Variants in RORB observed in about 807,000 individuals in gnomAD.
RORB encodes the protein RAR related orphan receptor B.
In RORB, 6 loss-of-function variants were observed where a neutral mutation model predicts 59.1. The observed-to-expected ratio is 0.10, with a 90% CI of 0.06 to 0.20. The LOEUF is 0.20. RORB is among the 10% of genes least tolerant of loss of function. The probability of loss-of-function intolerance (pLI) is 1.00; values close to 1 mark genes in which losing one functional copy is unlikely to be tolerated. For missense variants in RORB, 320 were observed against 560.5 expected (o/e 0.57, Z 4.33); for synonymous variants, 215 against 204.5 (o/e 1.05, Z -0.44).
intron 1 of RORB, among the ~76,000 whole-genome samples, chr9:74,567,921 A>G (rs1483614970): frequency 2.0e-5 from 3 of 152,220 alleles, no homozygotes; most frequent in Non-Finnish European, 4.4e-5. Context: ...GACTTGTCAT[A>G]GAGCTTTCAA....
intron 1 of RORB, among the ~76,000 whole-genome samples, chr9:74,613,869 G>T (rs1390841819): frequency 6.6e-6 from 1 of 152,174 alleles, no homozygotes; most frequent in Non-Finnish European, 1.5e-5. Flanking sequence ...TCGGATAATG[G>T]CATCCAGCTG....
chr9:74,677,750 C>A (rs1024673800), intron 9 of RORB, among the ~76,000 whole-genome samples: 1 of 152,164 alleles, frequency 6.6e-6, no homozygotes, highest in Non-Finnish European at 1.5e-5. Flanking sequence ...GAGTATGCAG[C>A]CTTCACTTTG....
rs541502182 is a variant in RORB at position 74,508,564 on chromosome 9, G to T, written c.7+10581G>T. 1.3e-4 allele frequency among the ~76,000 whole-genome samples: 20 copies of T among 152,106 alleles called. 1 individual carries two copies. In the East Asian group the frequency reaches 3.7e-3, roughly 28 times the overall value. ...TAAAAGTAAAGGGAACTATCTGACA[G>T]AGTTGTAGGTGACACCTTCTATAGT... On this transcript the variant is annotated intron_variant, in intron 1 of 9. Transcript: ENST00000376896.
At chr9:74,627,246 A>G (rs1219619277) in intron 1 of RORB, among the ~76,000 whole-genome samples, 1 of 152,046 alleles carries the variant, frequency 6.6e-6, no homozygotes, top group Admixed American at 6.6e-5. Flanking sequence ...AAGAATTAGT[A>G]TTTTAAATGA....
rs368953636 is a variant in RORB at position 74,661,714 on chromosome 9, G to A, written c.760-760G>A. Among the ~76,000 whole-genome samples the A allele has an allele frequency of 6.3e-3, 823 of 130,386 alleles. 6 individuals are homozygous for A. Among genetic ancestry groups the A allele is most frequent in the South Asian group, 0.028 (116 of 4,094 alleles). The allele number at this position is 130,386 out of a possible 152,430, so 85.5% of individuals were successfully genotyped here. A position where few individuals can be genotyped will look rare whatever the true frequency, so the allele number is the denominator to read the frequency against. On this transcript the variant is annotated intron_variant, in intron 5 of 9. Transcript: ENST00000376896. ...TGCTGGAGTGCAGTGGCGCGATCTC[G>A]GCTCACTGCAAGCTCCACCTCCCAG...
intron 1 of RORB, among the ~76,000 whole-genome samples, chr9:74,503,188 T>A (rs1825824739): frequency 6.6e-6 from 1 of 152,048 alleles, no homozygotes; most frequent in Admixed American, 6.5e-5. Flanking sequence ...TGACCTTTGA[T>A]GAAATAAGCA....
Position 74,677,325 on chromosome 9 carries a change from C to T in RORB, c.1224+5424C>T, listed in dbSNP as rs544028591. On this transcript the variant is annotated intron_variant, in intron 9 of 9. Coordinates refer to ENST00000376896, the MANE Select transcript of RORB (RefSeq NM_006914.4). ...AGCACTACTTTGGGCATCTATGGTA[C>T]AACATTCTCCTTCTTAAGGCTTTAG... Among the ~76,000 whole-genome samples the T allele has an allele frequency of 1.4e-4, 22 of 152,246 alleles. 1 individual carries two copies. In the South Asian group the frequency reaches 2.1e-3, roughly 14 times the overall value.
chr9:74,630,940 C>T (rs1353042286), intron 2 of RORB, among the ~76,000 whole-genome samples: 1 of 152,056 alleles, frequency 6.6e-6, no homozygotes, highest in Non-Finnish European at 1.5e-5. Context: ...CTTCATTTTC[C>T]GATGAGGTCC....
chr9:74,672,895 A>C (rs1195193720), intron 9 of RORB, among the ~76,000 whole-genome samples: 10 of 152,114 alleles, frequency 6.6e-5, no homozygotes, highest in Admixed American at 6.5e-4. Context: ...TCTGCCCTTG[A>C]AGTTCTTTGT....
intron 7 of RORB, among the ~76,000 whole-genome samples, chr9:74,666,657 A>G (rs956227386): frequency 6.6e-6 from 1 of 152,010 alleles, no homozygotes; most frequent in Non-Finnish European, 1.5e-5. Context: ...GAGTTAAGAT[A>G]CTTAATTAAA....
chr9:74,615,875 T>C (rs756709173), intron 1 of RORB, among the ~76,000 whole-genome samples: 1 of 152,200 alleles, frequency 6.6e-6, no homozygotes, highest in Non-Finnish European at 1.5e-5. Flanking sequence ...AACTACCAAA[T>C]GCATAAGTTT....
chr9:74,684,617 T>C (rs927661941), intron 9 of RORB, among the ~76,000 whole-genome samples: 4 of 152,204 alleles, frequency 2.6e-5, no homozygotes, highest in Non-Finnish European at 5.9e-5. Context: ...GTCTTCTGGG[T>C]ATCTTAACTC....
chr9:74,590,194 A>G lies in RORB; in HGVS notation c.8-40088A>G, dbSNP rs7871349. Reference sequence around the variant, plus strand: ...TAGCAGCAGCAGTGCTGGGAGTACTAAGACCTCTAGGAGTAGCAGTAATGT... The same window carrying G: ...TAGCAGCAGCAGTGCTGGGAGTACTGAGACCTCTAGGAGTAGCAGTAATGT... On this transcript the variant is annotated intron_variant, in intron 1 of 9. Transcript: ENST00000376896. 9.1e-3 allele frequency among the ~76,000 whole-genome samples: 1,380 copies of G among 152,228 alleles called. 12 individuals are homozygous for G. The highest frequency in any genetic ancestry group is 0.027 in the African/African-American group (1,112 of 41,530).
chr9:74,678,451 G>A (rs1340337911), intron 9 of RORB, among the ~76,000 whole-genome samples: 1 of 152,098 alleles, frequency 6.6e-6, no homozygotes, highest in Non-Finnish European at 1.5e-5. Flanking sequence ...TGAGAGAGAA[G>A]CATGTCTTTC....
rs536789171 is a variant in RORB, at chr9:74,665,282, A to G, written c.893-206A>G. ...AATACTTTCAATGGCAAAAACTGCA[A>G]TTATTTTTGCACCAACCTAATAGTT... is the stretch of plus-strand genomic sequence containing the variant. On this transcript the variant is annotated intron_variant, in intron 6 of 9. Transcript: ENST00000376896. 6.6e-5 allele frequency among the ~76,000 whole-genome samples: 10 copies of G among 152,156 alleles called. No homozygotes were observed. The East Asian group carries it at 9.7e-4, about 15-fold the overall frequency.
intron 1 of RORB, among the ~76,000 whole-genome samples, chr9:74,568,658 C>T (rs901224012): frequency 4.0e-5 from 6 of 148,906 alleles, no homozygotes; most frequent in African/African-American, 1.2e-4. Flanking sequence ...CAAGGTCGCG[C>T]CATTGCACTC....
rs1823991104 is a variant in RORB, at chr9:74,651,532, C to T, written c.637+8717C>T. ...CCTGGGTGACAGAGTGGGACTCTGT[C>T]TCAAAAAAAAAAAAAAGGAAAGAAA... is the stretch of plus-strand genomic sequence containing the variant. On this transcript the variant is annotated intron_variant, in intron 4 of 9. Transcript: ENST00000376896. Among the ~76,000 whole-genome samples, 3 of 30,918 alleles carry T rather than the reference C, an allele frequency of 9.7e-5. No individual in the cohort carries two copies. The South Asian group carries it at 5.1e-3, about 53-fold the overall frequency. 20.3% of individuals were successfully genotyped at this position (30,918 alleles called of 152,430 possible).
At position 74,497,609 on chromosome 9, in the gene RORB, C is replaced by G. The variant is rs1004405813; in HGVS notation, c.-368C>G. ...TCCAAGTGATCACAAAAGAAATCTT[C>G]TGAGCCGGAGGCGGTGGCATTTTTT... On this transcript the variant is annotated 5_prime_UTR_variant, in exon 1 of 10. Coordinates refer to ENST00000376896, the MANE Select transcript of RORB (RefSeq NM_006914.4). The G allele has an allele frequency of 1.3e-4, 40 of 310,610 alleles. No homozygotes were observed. Among genetic ancestry groups the G allele is most frequent in the African/African-American group, 8.2e-4 (39 of 47,606 alleles). 19.2% of individuals were successfully genotyped at this position (310,610 alleles called of 1,614,324 possible).
chr9:74,644,913 T>C (rs1360317088), intron 4 of RORB, among the ~76,000 whole-genome samples: 1 of 152,138 alleles, frequency 6.6e-6, no homozygotes, highest in Non-Finnish European at 1.5e-5. Context: ...AACAAGTCAT[T>C]TTTCCTCTCT....
Sources: allele counts gnomAD v4.1 joint callset (sites outside exome capture counted in the v4.1 genomes callset), GRCh38; gene constraint gnomAD v4.1.1; transcripts MANE v1.5; gene names NCBI Gene and HGNC (gene_info 2026-07-23, HGNC 2026-07-21).